The following GPR158 variants were observed in gnomAD, a reference collection of about 807,000 sequenced individuals.
GPR158 encodes the protein G protein-coupled receptor 158, also known as metabotropic glycine receptor.
Under a neutral mutation model 78.2 loss-of-function variants are expected in GPR158, and 30 were observed. That is an observed-to-expected ratio of 0.38 (90% CI 0.29 to 0.52). GPR158 has a LOEUF of 0.52. Ranked by LOEUF, GPR158 falls within the 20% of genes least tolerant of loss-of-function variation. The pLI is 0.83. For synonymous variants in GPR158, 581 were observed against 591.1 expected, an observed-to-expected ratio of 0.98 and a Z score of 0.25; for missense variants, 1,463 against 1,523.5, an observed-to-expected ratio of 0.96 and a Z score of 0.66.
At chr10:25,564,986 T>A (rs889431419) in intron 6 of GPR158, among the ~76,000 whole-genome samples, 4 of 152,184 alleles carry the variant, frequency 2.6e-5, no homozygotes, top group Non-Finnish European at 5.9e-5. Context: ...GGTAGATAAC[T>A]GCCATTTTCA....
chr10:25,515,515 C>G (rs1470906951), intron 5 of GPR158, among the ~76,000 whole-genome samples: 2 of 110,952 alleles, frequency 1.8e-5, no homozygotes, highest in Non-Finnish European at 3.6e-5. Context: ...GCTATCCCTC[C>G]CCCCTCCCCC....
intron 6 of GPR158, among the ~76,000 whole-genome samples, chr10:25,551,662 C>A (rs1397477444): frequency 6.6e-6 from 1 of 152,078 alleles, no homozygotes; most frequent in Non-Finnish European, 1.5e-5. Flanking sequence ...TGGGGTGGGG[C>A]AGGGGAAGCA....
At chr10:25,505,301 C>T (rs1009902752) in intron 5 of GPR158, among the ~76,000 whole-genome samples, 6 of 152,190 alleles carry the variant, frequency 3.9e-5, no homozygotes, top group African/African-American at 1.4e-4. Context: ...TTTCTGAGCA[C>T]AGAATTCTAA....
chr10:25,485,687 A>G (rs2130641556), intron 5 of GPR158, among the ~76,000 whole-genome samples: 1 of 152,316 alleles, frequency 6.6e-6, no homozygotes, highest in East Asian at 1.9e-4. Flanking sequence ...AATCTTTAAA[A>G]ATACTTTATA....
intron 5 of GPR158, among the ~76,000 whole-genome samples, chr10:25,531,188 G>A (rs1046795066): frequency 1.3e-5 from 2 of 152,044 alleles, no homozygotes; most frequent in African/African-American, 2.4e-5. Flanking sequence ...TATAGAGAAC[G>A]GCACCTTGTG....
In GPR158 at chr10:25,255,436, A is replaced by G. The variant is rs966034639; in HGVS notation, c.1008+34279A>G. Among the ~76,000 whole-genome samples, 8 of 152,324 alleles carry G rather than the reference A, an allele frequency of 5.3e-5. No individual in the cohort carries two copies. The South Asian group carries it at 1.0e-3, about 20-fold the overall frequency. ...TTTGTAGGTCAGAAGCCTAGGCTGG[A>G]TGACCTGACTGTGTCCTCTGCTCAG... On this transcript the variant is annotated intron_variant, in intron 2 of 10. Coordinates refer to ENST00000376351, the MANE Select transcript of GPR158 (RefSeq NM_020752.3).
Position 25,175,708 on chromosome 10 carries a change from A to G in GPR158, c.288A>G (p.Arg96=). Reference sequence around the variant, plus strand: ...CCGGGGACTCCCACCAGCTGAAGCGAGCCAACTGCTCCGGCCGCTACGAGT... The same window carrying G: ...CCGGGGACTCCCACCAGCTGAAGCGGGCCAACTGCTCCGGCCGCTACGAGT... ...LYTGDSHQLK[R]ANCSGRYELA... Residue 96 remains arginine, a synonymous_variant, in exon 1 of 11, where the codon CGA becomes CGG. Transcript: ENST00000376351. The surrounding 1 kb of genome is among the most constrained non-coding windows in gnomAD (Gnocchi z 6.4). The G allele has an allele frequency of 6.2e-7, 1 of 1,611,820 alleles. No individual in the cohort carries two copies. Among genetic ancestry groups the G allele is most frequent in the Non-Finnish European group, 8.5e-7 (1 of 1,179,922 alleles).
chr10:25,461,931 G>A (rs538205881), intron 4 of GPR158, among the ~76,000 whole-genome samples: 74 of 151,778 alleles, frequency 4.9e-4, no homozygotes, highest in Middle Eastern at 3.4e-3. Context: ...TAATAGAGAC[G>A]GGGTTTCACC....
At chr10:25,548,993 CTATAT>C (rs1437218234) in intron 5 of GPR158, among the ~76,000 whole-genome samples, 4 of 152,062 alleles carry the variant, frequency 2.6e-5, no homozygotes, top group African/African-American at 9.7e-5. Flanking sequence ...ATGCAGACTT[CTATAT>C]TACAGTTGTT....
chr10:25,304,611 A>C (rs1450121838), intron 2 of GPR158, among the ~76,000 whole-genome samples: 1 of 152,010 alleles, frequency 6.6e-6, no homozygotes, highest in African/African-American at 2.4e-5. Flanking sequence ...ATATAGAGAG[A>C]GATTTATGCT....
At chr10:25,475,233 G>T (rs1051089384) in intron 5 of GPR158, among the ~76,000 whole-genome samples, 1 of 152,020 alleles carries the variant, frequency 6.6e-6, no homozygotes, top group African/African-American at 2.4e-5. Flanking sequence ...AAAAGACTGT[G>T]TACTTCATGA....
intron 2 of GPR158, among the ~76,000 whole-genome samples, chr10:25,295,647 T>C (rs1854500991): frequency 6.6e-6 from 1 of 152,080 alleles, no homozygotes; most frequent in Non-Finnish European, 1.5e-5. Flanking sequence ...TCTTCTGACC[T>C]CGTGATCCAC....
chr10:25,560,399 G>A (rs185474786), intron 6 of GPR158, among the ~76,000 whole-genome samples: 6 of 152,030 alleles, frequency 3.9e-5, no homozygotes, highest in Admixed American at 6.5e-5. Flanking sequence ...CTGAGTAGCT[G>A]GGACTACAGG....
chr10:25,372,666 C>T (rs1470781241), intron 2 of GPR158, among the ~76,000 whole-genome samples: 6 of 128,802 alleles, frequency 4.7e-5, no homozygotes, highest in Non-Finnish European at 9.4e-5. Context: ...AATGAGAACA[C>T]ATGGACACAG....
At chr10:25,542,917 C>G (rs1836607241) in intron 5 of GPR158, among the ~76,000 whole-genome samples, 2 of 151,512 alleles carry the variant, frequency 1.3e-5, no homozygotes, top group Admixed American at 6.6e-5. Flanking sequence ...CCCCTCTTAG[C>G]TGTGTTCAGT....
At chr10:25,305,375 CAAGAGT>C (rs1474872542) in intron 2 of GPR158, among the ~76,000 whole-genome samples, 1 of 152,134 alleles carries the variant, frequency 6.6e-6, no homozygotes, top group Admixed American at 6.5e-5. Flanking sequence ...GAGATACTGA[CAAGAGT>C]AAGATTACAT....
At chr10:25,239,620 A>AAAAGTTATCACCAC (rs1853576578) in intron 2 of GPR158, among the ~76,000 whole-genome samples, 1 of 151,406 alleles carries the variant, frequency 6.6e-6, no homozygotes, top group South Asian at 2.1e-4. Flanking sequence ...AAAAAAAAAA[A>AAAAGTTATCACCAC]AAGTTATCAC....
At position 25,421,794 on chromosome 10, in the gene GPR158, C is replaced by T. The variant is rs183932695; in HGVS notation, c.1335+9321C>T. Among the ~76,000 whole-genome samples the T allele has an allele frequency of 1.7e-4, 26 of 151,924 alleles. No individual in the cohort carries two copies. The South Asian group carries it at 5.4e-3, about 32-fold the overall frequency. ...TTTGGTGCTTTTATTTTTTCCTTTTCTCCCCCTTCCCAGTTTATTAAAATT... is the reference window on the plus strand; with the variant it reads ...TTTGGTGCTTTTATTTTTTCCTTTTTTCCCCCTTCCCAGTTTATTAAAATT... On this transcript the variant is annotated intron_variant, in intron 4 of 10. Coordinates refer to ENST00000376351, the MANE Select transcript of GPR158 (RefSeq NM_020752.3).
chr10:25,222,846 C>T (rs1013441059), intron 2 of GPR158, among the ~76,000 whole-genome samples: 1 of 152,168 alleles, frequency 6.6e-6, no homozygotes, highest in African/African-American at 2.4e-5. Context: ...AATAAGCAGT[C>T]TGCCTAGAAA....
Sources: allele counts gnomAD v4.1 joint callset (sites outside exome capture counted in the v4.1 genomes callset), GRCh38; gene constraint gnomAD v4.1.1; non-coding constraint Gnocchi (gnomAD v3.1); transcripts MANE v1.5; gene names NCBI Gene and HGNC (gene_info 2026-07-23, HGNC 2026-07-21).